DHRS7: variants seen among roughly 807,000 people sequenced by gnomAD.
The protein encoded by DHRS7 is dehydrogenase/reductase 7.
Under a neutral mutation model 38.9 loss-of-function variants are expected in DHRS7, and 34 were observed. The observed-to-expected ratio is 0.87, with a 90% confidence interval of 0.66 to 1.16. The LOEUF is 1.16. Among genes scored for constraint, DHRS7 ranks in the 50% most tolerant of loss-of-function variants. The probability of loss-of-function intolerance (pLI) is 0.00; values close to 1 mark genes in which losing one functional copy is unlikely to be tolerated. For missense variants in DHRS7, 421 were observed against 407.0 expected, an observed-to-expected ratio of 1.03 and a Z score of -0.30; for synonymous variants, 158 against 153.1, an observed-to-expected ratio of 1.03 and a Z score of -0.24.
At position 60,156,000 on chromosome 14, in the gene DHRS7, C is replaced by T; in HGVS notation, c.286G>A (p.Glu96Lys). 2 of 1,558,800 alleles carry T rather than the reference C, an allele frequency of 1.3e-6. 1 individual carries two copies. The highest frequency in any genetic ancestry group is 2.4e-5 in the South Asian group (2 of 83,704). Residue 96 changes from glutamate to lysine, a missense_variant and splice_region_variant, in exon 2 of 7, where the codon GAG becomes AAG. Transcript: ENST00000557185. The part of the protein sequence containing the change: ...ELERVKRRCL[E>K]NGNLKEKDIL... Reference sequence around the variant, plus strand: ...CCGCTGCTATTTCAGATCCGCTTACCTAGGCATCTTCTTTTCACCCTTTCC... The same window carrying T: ...CCGCTGCTATTTCAGATCCGCTTACTTAGGCATCTTCTTTTCACCCTTTCC...
chr14:60,164,676 C>A (rs1280806919), intron 1 of DHRS7, among the ~76,000 whole-genome samples: 1 of 152,178 alleles, frequency 6.6e-6, no homozygotes, highest in African/African-American at 2.4e-5. Context: ...TGAAGGACTT[C>A]GGATTATCTC....
chr14:60,165,221 C>T lies in DHRS7; in HGVS notation c.89G>A (p.Gly30Asp), dbSNP rs763620183. The T allele has an allele frequency of 6.2e-7, 1 of 1,612,230 alleles. No homozygotes were observed. The highest frequency in any genetic ancestry group is 8.5e-7 in the Non-Finnish European group (1 of 1,179,762). Residue 30 changes from glycine to aspartate, a missense_variant, in exon 1 of 7, where the codon GGC (glycine) becomes GAC (aspartate). Physicochemically the swap from Gly to Asp is moderately conservative, Grantham distance 94. Transcript: ENST00000557185. The surrounding 1 kb of genome is among the most constrained non-coding windows in gnomAD (Gnocchi z 4.6). ...VQLLRFLRAD[G>D]DLTLLWAEWQ... ...CTCGGCCCATAGTAGCGTCAGGTCGCCGTCAGCCCTCAGGAAGCGCAGCAG... is the reference window on the plus strand; with the variant it reads ...CTCGGCCCATAGTAGCGTCAGGTCGTCGTCAGCCCTCAGGAAGCGCAGCAG...
intron 1 of DHRS7, chr14:60,158,999 C>A: frequency 2.6e-6 from 1 of 383,972 alleles, no homozygotes; most frequent in South Asian, 2.3e-5. Flanking sequence ...CCTGAGGCAT[C>A]CTCCCCATCC....
At chr14:60,166,122 A>G (rs1176253264), upstream of DHRS7, 2 of 698,242 alleles carry the variant, frequency 2.9e-6, no homozygotes, top group Non-Finnish European at 3.5e-6. Flanking sequence ...CTAATACACA[A>G]AAGAGTAAAA....
intron 5 of DHRS7, among the ~76,000 whole-genome samples, 174 bp from the exon 6 acceptor site, chr14:60,149,742 G>C (rs1424398917): frequency 6.6e-6 from 1 of 151,662 alleles, no homozygotes; most frequent in Non-Finnish European, 1.5e-5. Context: ...ATTTCAAAAA[G>C]CCTAACAGAA....
Position 60,146,347 on chromosome 14 carries a change from C to A in DHRS7, c.973-1334G>T, listed in dbSNP as rs1398988929. 1 of 151,936 alleles carries A rather than the reference C, an allele frequency of 6.6e-6. No individual in the cohort carries two copies. The highest frequency in any genetic ancestry group is 1.5e-5 in the Non-Finnish European group (1 of 67,956). The allele number at this position is 151,936 out of a possible 1,614,324, so 9.4% of individuals were successfully genotyped here. A position where few individuals can be genotyped will look rare whatever the true frequency, so the allele number is the denominator to read the frequency against. ...TTCTGGAAGTACTACTACAGTGGGA[C>A]TGAAATTCTCTAGTCCCTGGTCCCT... is the stretch of plus-strand genomic sequence containing the variant. On this transcript the variant is annotated intron_variant, in intron 6 of 6. Coordinates refer to ENST00000557185, the MANE Select transcript of DHRS7 (RefSeq NM_016029.4). This position sits in a 1 kb window ranked among gnomAD's most constrained non-coding sequence, Gnocchi z 4.9.
Position 60,165,067 on chromosome 14 carries a change from C to T in DHRS7, c.133+110G>A, listed in dbSNP as rs563076838. ...GCAGCCGGGCCTTCGGGAAGCTCCA[C>T]GCAACCCACAAAGGACCCGGGATCA... On this transcript the variant is annotated intron_variant, in intron 1 of 6. Transcript: ENST00000557185. The surrounding 1 kb of genome is among the most constrained non-coding windows in gnomAD (Gnocchi z 4.6). The T allele has an allele frequency of 1.6e-5, 23 of 1,406,584 alleles. No individual in the cohort carries two copies. The African/African-American group carries it at 2.8e-4, about 17-fold the overall frequency. 87.1% of individuals were successfully genotyped at this position (1,406,584 alleles called of 1,614,324 possible). A position where few individuals can be genotyped will look rare whatever the true frequency, so the allele number is the denominator to read the frequency against.
At chr14:60,159,341 C>T in intron 1 of DHRS7, 2 of 380,770 alleles carry the variant, frequency 5.3e-6, no homozygotes, top group Non-Finnish European at 1.0e-5. Flanking sequence ...GAATTGAAGC[C>T]CTTCTGTTTT....
At chr14:60,158,110 G>C (rs1896693683) in intron 1 of DHRS7, among the ~76,000 whole-genome samples, 1 of 151,484 alleles carries the variant, frequency 6.6e-6, no homozygotes. Flanking sequence ...GCGCATCGTT[G>C]TAACCCCAAC....
chr14:60,168,698 C>A, upstream of DHRS7: 1 of 1,563,760 alleles, frequency 6.4e-7, no homozygotes, highest in Non-Finnish European at 8.7e-7. Context: ...CCAGCCAGGA[C>A]CAGCCTTGGA....
rs115138548 is a variant in DHRS7 at position 60,153,629 on chromosome 14, G to A, written c.393+330C>T. On this transcript the variant is annotated intron_variant, in intron 3 of 6. Coordinates refer to ENST00000557185, the MANE Select transcript of DHRS7 (RefSeq NM_016029.4). This position sits in a 1 kb window ranked among gnomAD's most constrained non-coding sequence, Gnocchi z 4.4. ...GAGAATCCCTTAAACCTGGGAGGCG[G>A]AGATTGCAGTGAACCGATATCACAC... 2.0e-5 allele frequency among the ~76,000 whole-genome samples: 3 copies of A among 152,272 alleles called. No individual in the cohort carries two copies. The highest frequency in any genetic ancestry group is 3.4e-3 in the Middle Eastern group (1 of 294).
intron 2 of DHRS7, 94 bp from the exon 3 acceptor site, chr14:60,154,159 G>C: frequency 1.1e-6 from 1 of 887,066 alleles, no homozygotes; most frequent in Non-Finnish European, 1.8e-6. Flanking sequence ...ACAGGACTTG[G>C]CAACAAACTC....
At chr14:60,168,167 T>C (rs1398932420), upstream of DHRS7, among the ~76,000 whole-genome samples, 1 of 152,204 alleles carries the variant, frequency 6.6e-6, no homozygotes, top group African/African-American at 2.4e-5. Context: ...GATCCCTCAA[T>C]AGGAATATCT....
Position 60,149,545 on chromosome 14 carries a change from C to T in DHRS7, c.780G>A (p.Gln260=). 3.7e-6 allele frequency: 6 copies of T among 1,613,016 alleles called. No homozygotes were observed. The highest frequency in any genetic ancestry group is 5.1e-6 in the Non-Finnish European group (6 of 1,179,326). The change falls in exon 6 of 7, where the codon CAG becomes CAA. Residue 260 remains glutamine, a synonymous_variant. Transcript: ENST00000557185. The part of the protein sequence containing the change: ...VTKTIGNNGD[Q]SHKMTTSRCV... ...AACGACTGGTTGTCATCTTGTGGGA[C>T]TGGTCTCCATTATTGCCTATAGTCT...
At chr14:60,147,133 TG>T (rs1289432345) in intron 6 of DHRS7, 3 of 151,922 alleles carry the variant, frequency 2.0e-5, no homozygotes, top group Admixed American at 6.6e-5. Context: ...CTCAGGAGGC[TG>T]GGGTGGGAGG....
upstream of DHRS7, among the ~76,000 whole-genome samples, chr14:60,169,439 C>T (rs540148725): frequency 6.6e-6 from 1 of 152,320 alleles, no homozygotes; most frequent in Non-Finnish European, 1.5e-5. Flanking sequence ...GTCACAGAAG[C>T]TATTGCAGCT....
chr14:60,149,561 C>A lies in DHRS7; in HGVS notation c.764G>T (p.Gly255Val). 3 of 1,597,344 alleles carry A rather than the reference C, an allele frequency of 1.9e-6. No homozygotes were observed. The highest frequency in any genetic ancestry group is 4.5e-5 in the East Asian group (2 of 44,698). The change falls in exon 6 of 7, where the codon GGC becomes GTC. Residue 255 changes from glycine to valine, a missense_variant. Physicochemically the swap from Gly to Val is moderately radical, Grantham distance 109 (BLOSUM62 -3). Transcript: ENST00000557185. ...CTTGTGGGACTGGTCTCCATTATTG[C>A]CTATAGTCTAAGAAAAGTTAAAAAT... is the stretch of plus-strand genomic sequence containing the variant. ...SLAGEVTKTI[G>V]NNGDQSHKMT...
chr14:60,153,014 A>T lies in DHRS7; in HGVS notation c.558T>A (p.Val186=). ...HMIERKQGKI[V]TVNSILGIIS... is the part of the protein sequence containing the mutation. ...TGATACCCAGGATGCTATTCACAGTAACAATCTTTCCTTGCTTCCTCTCGA... is the reference window on the plus strand; with the variant it reads ...TGATACCCAGGATGCTATTCACAGTTACAATCTTTCCTTGCTTCCTCTCGA... The change falls in exon 4 of 7, where the codon GTT becomes GTA. Residue 186 remains valine (V), a synonymous_variant. Transcript: ENST00000557185. The surrounding 1 kb of genome is among the most constrained non-coding windows in gnomAD (Gnocchi z 4.4). The T allele has an allele frequency of 1.9e-6, 3 of 1,614,204 alleles. No homozygotes were observed. Among genetic ancestry groups the T allele is most frequent in the Non-Finnish European group, 2.5e-6 (3 of 1,180,030 alleles).
At chr14:60,151,420 A>T (rs2140594429) in intron 4 of DHRS7, among the ~76,000 whole-genome samples, 1 of 152,292 alleles carries the variant, frequency 6.6e-6, no homozygotes, top group South Asian at 2.1e-4. Flanking sequence ...AGTACATTGT[A>T]TATGATCCAA....
Sources: gnomAD v4.1 joint callset for allele counts (sites outside exome capture counted in the v4.1 genomes callset) on GRCh38, gnomAD v4.1.1 for gene constraint, Gnocchi (gnomAD v3.1) non-coding constraint, MANE v1.5 for transcripts, NCBI Gene and HGNC (gene_info 2026-07-23, HGNC 2026-07-21) for gene names.